The following NCAM2 variants were observed in gnomAD, a reference collection of about 807,000 sequenced individuals.
The protein encoded by NCAM2 is N-CAM-2.
A neutral mutation model predicts 98.1 loss-of-function variants in NCAM2; 30 were observed. The observed-to-expected ratio is 0.31, with a 90% CI of 0.23 to 0.41. NCAM2 has a LOEUF of 0.41. Ranked by LOEUF, NCAM2 falls within the 10% of genes least tolerant of loss-of-function variation. The pLI is 1.00. For synonymous variants in NCAM2, 368 were observed against 342.4 expected, an observed-to-expected ratio of 1.07 and a Z score of -0.83; for missense variants, 867 against 1,005.8, an observed-to-expected ratio of 0.86 and a Z score of 1.87.
intron 1 of NCAM2, among the ~76,000 whole-genome samples, chr21:21,193,892 A>G (rs1175098841): frequency 6.6e-6 from 1 of 152,146 alleles, no homozygotes; most frequent in Non-Finnish European, 1.5e-5. Context: ...GGAGAATATA[A>G]CTGTTACAAT....
intron 1 of NCAM2, among the ~76,000 whole-genome samples, chr21:21,274,496 T>C (rs892955800): frequency 6.6e-6 from 1 of 152,204 alleles, no homozygotes; most frequent in Non-Finnish European, 1.5e-5. Flanking sequence ...ACACATAGGC[T>C]GTTGTAATGC....
chr21:21,351,693 T>C (rs1355087452), intron 8 of NCAM2, among the ~76,000 whole-genome samples: 1 of 152,184 alleles, frequency 6.6e-6, no homozygotes, highest in African/African-American at 2.4e-5. Flanking sequence ...TACTAAATAT[T>C]GCCACTTTAT....
At chr21:21,060,067 A>G (rs2065290418) in intron 1 of NCAM2, among the ~76,000 whole-genome samples, 1 of 152,042 alleles carries the variant, frequency 6.6e-6, no homozygotes, top group South Asian at 2.1e-4. Context: ...CTAATCTGAT[A>G]ATAAGGTGAG....
intron 6 of NCAM2, among the ~76,000 whole-genome samples, chr21:21,334,308 C>T (rs2074796138): frequency 6.6e-6 from 1 of 151,968 alleles, no homozygotes; most frequent in African/African-American, 2.4e-5. Context: ...CTTCATGGTA[C>T]ATTTAGAGAT....
At chr21:21,316,070 CTT>C (rs1417386315) in intron 5 of NCAM2, among the ~76,000 whole-genome samples, 1 of 152,100 alleles carries the variant, frequency 6.6e-6, no homozygotes, top group Non-Finnish European at 1.5e-5. Context: ...TTCAGTGTGA[CTT>C]TGAACATTTA....
chr21:21,368,275 TTTCTC>T (rs2075834459), intron 8 of NCAM2, among the ~76,000 whole-genome samples: 1 of 151,820 alleles, frequency 6.6e-6, no homozygotes, highest in Non-Finnish European at 1.5e-5. Context: ...AAATATTTCT[TTTCTC>T]TTTTCTTTCA....
intron 1 of NCAM2, among the ~76,000 whole-genome samples, chr21:21,020,940 G>A (rs1312998480): frequency 6.6e-6 from 1 of 152,032 alleles, no homozygotes; most frequent in Non-Finnish European, 1.5e-5. Flanking sequence ...GACAAAGTCC[G>A]TTTATCCCTC....
intron 16 of NCAM2, among the ~76,000 whole-genome samples, chr21:21,521,584 T>C (rs144538900): frequency 9.1e-4 from 138 of 152,074 alleles, no homozygotes; most frequent in African/African-American, 3.3e-3. Flanking sequence ...AGCACAGAGA[T>C]GAAGATTCTA....
Position 21,374,529 on chromosome 21 carries a change from A to T in NCAM2, c.1195+516A>T, listed in dbSNP as rs372490860. 3.9e-5 allele frequency among the ~76,000 whole-genome samples: 6 copies of T among 151,984 alleles called. No homozygotes were observed. In the East Asian group the frequency reaches 5.8e-4, roughly 15 times the overall value. ...TCTGGAAGAAAGGAGCATGACAAGG[A>T]TAGTTTTTAAAATAAATTTAAAAAT... On this transcript the variant is annotated intron_variant, in intron 9 of 17. Transcript: ENST00000400546.
intron 1 of NCAM2, among the ~76,000 whole-genome samples, chr21:21,103,278 C>A (rs1018694077): frequency 1.3e-5 from 2 of 151,910 alleles, no homozygotes; most frequent in Non-Finnish European, 1.5e-5. Flanking sequence ...AAAAAATCAG[C>A]AAAACCCAGA....
chr21:21,022,349 G>A (rs1241187862), intron 1 of NCAM2, among the ~76,000 whole-genome samples: 1 of 151,956 alleles, frequency 6.6e-6, no homozygotes, highest in Non-Finnish European at 1.5e-5. Flanking sequence ...TGTTAGAGAA[G>A]ACAGCAAATA....
intron 1 of NCAM2, among the ~76,000 whole-genome samples, chr21:21,106,723 A>T (rs771956067): frequency 1.4e-4 from 21 of 151,488 alleles, no homozygotes; most frequent in African/African-American, 1.9e-4. Flanking sequence ...GATCATTAAT[A>T]AAAAAAAATC....
intron 1 of NCAM2, among the ~76,000 whole-genome samples, chr21:21,155,696 G>A (rs189916848): frequency 1.4e-3 from 213 of 151,902 alleles, no homozygotes; most frequent in Non-Finnish European, 2.4e-3. Context: ...TATATACAGC[G>A]TATACACAAG....
At chr21:21,067,566 A>G (rs542063025) in intron 1 of NCAM2, among the ~76,000 whole-genome samples, 2 of 152,288 alleles carry the variant, frequency 1.3e-5, no homozygotes, top group South Asian at 4.1e-4. Context: ...GATATTATGC[A>G]ATACATTCTA....
At chr21:21,135,036 CA>C (rs201034185) in intron 1 of NCAM2, among the ~76,000 whole-genome samples, 64,480 of 149,806 alleles carry the variant, frequency 0.43, 14,427 homozygotes, top group African/African-American at 0.57. Context: ...AGATCAAGAC[CA>C]ATCCTGGCTA....
intron 9 of NCAM2, among the ~76,000 whole-genome samples, chr21:21,377,562 T>G (rs1223860892): frequency 6.6e-6 from 1 of 151,952 alleles, no homozygotes; most frequent in East Asian, 1.9e-4. Context: ...ATCATTAGTA[T>G]TATTTTTGAT....
intron 7 of NCAM2, among the ~76,000 whole-genome samples, chr21:21,336,948 T>C (rs1194495499): frequency 6.6e-6 from 1 of 152,146 alleles, no homozygotes; most frequent in Non-Finnish European, 1.5e-5. Context: ...TGATCAGAAG[T>C]AGGCCAAGCT....
intron 9 of NCAM2, among the ~76,000 whole-genome samples, chr21:21,383,910 A>G (rs1480318447): frequency 6.6e-6 from 1 of 152,060 alleles, no homozygotes; most frequent in African/African-American, 2.4e-5. Context: ...TAAACTACAA[A>G]ATTTAAAAAA....
At chr21:21,209,894 A>C (rs1286935774) in intron 1 of NCAM2, among the ~76,000 whole-genome samples, 1 of 152,174 alleles carries the variant, frequency 6.6e-6, no homozygotes, top group Non-Finnish European at 1.5e-5. Flanking sequence ...GTAACATGGC[A>C]TTATGGTAAG....
Sources: allele counts gnomAD v4.1 joint callset (sites outside exome capture counted in the v4.1 genomes callset), GRCh38; gene constraint gnomAD v4.1.1; transcripts MANE v1.5; gene names NCBI Gene and HGNC (gene_info 2026-07-23, HGNC 2026-07-21).